CAMK1D: variants seen among roughly 807,000 people sequenced by gnomAD.
CAMK1D encodes the protein calcium/calmodulin-dependent protein kinase type 1D.
In CAMK1D, 9 loss-of-function variants were observed where a neutral mutation model predicts 47.7. The ratio of observed to expected loss-of-function variants is 0.19; its 90% confidence interval spans 0.11 to 0.33. The LOEUF is 0.33. Ranked by LOEUF, CAMK1D falls within the 10% of genes least tolerant of loss-of-function variation. CAMK1D has a pLI of 1.00. For missense variants in CAMK1D, 291 were observed against 488.7 expected (o/e 0.60, Z 3.81); for synonymous variants, 184 against 184.9 (o/e 0.99, Z 0.04).
At chr10:12,567,532 AC>A (rs1464501712) in intron 2 of CAMK1D, among the ~76,000 whole-genome samples, 3 of 152,202 alleles carry the variant, frequency 2.0e-5, no homozygotes, top group African/African-American at 7.2e-5. Flanking sequence ...TCATTTCTCT[AC>A]AGGTGTACGC....
intron 4 of CAMK1D, among the ~76,000 whole-genome samples, chr10:12,762,299 C>T (rs1836547761): frequency 6.6e-6 from 1 of 152,206 alleles, no homozygotes; most frequent in South Asian, 2.1e-4. Context: ...TGAAGCTGTG[C>T]TGTACACAAC....
At chr10:12,523,008 G>A (rs1316456450) in intron 1 of CAMK1D, among the ~76,000 whole-genome samples, 1 of 148,730 alleles carries the variant, frequency 6.7e-6, no homozygotes, top group African/African-American at 2.5e-5. Flanking sequence ...GCCGGGCGGA[G>A]ACGCTCCTCA....
chr10:12,381,973 A>G (rs1391128373), intron 1 of CAMK1D, among the ~76,000 whole-genome samples: 2 of 152,210 alleles, frequency 1.3e-5, no homozygotes, highest in Non-Finnish European at 2.9e-5. Context: ...TCTGACACTC[A>G]TTGTGTGGGT....
intron 6 of CAMK1D, among the ~76,000 whole-genome samples, chr10:12,813,070 T>C (rs1030029472): frequency 4.6e-5 from 7 of 152,212 alleles, no homozygotes; most frequent in East Asian, 3.8e-4. Flanking sequence ...CCACTCCCAT[T>C]GTGTGTGTCA....
At chr10:12,712,690 C>T (rs1000948618) in intron 3 of CAMK1D, among the ~76,000 whole-genome samples, 6 of 152,160 alleles carry the variant, frequency 3.9e-5, no homozygotes, top group Non-Finnish European at 8.8e-5. Context: ...GGCTCCATCT[C>T]CTAATACCAT....
chr10:12,638,906 C>T (rs894480917), intron 2 of CAMK1D, among the ~76,000 whole-genome samples: 3 of 152,190 alleles, frequency 2.0e-5, no homozygotes, highest in Non-Finnish European at 4.4e-5. Flanking sequence ...CTCATCCCCC[C>T]ACTTCTCTCC....
At chr10:12,524,092 C>T (rs914668625) in intron 1 of CAMK1D, among the ~76,000 whole-genome samples, 11 of 151,736 alleles carry the variant, frequency 7.2e-5, no homozygotes, top group African/African-American at 2.2e-4. Context: ...CAGGGTTTCA[C>T]GTTGTTAGCC....
intron 1 of CAMK1D, among the ~76,000 whole-genome samples, chr10:12,458,880 C>CTTTT (rs35804649): frequency 8.3e-6 from 1 of 120,680 alleles, no homozygotes; most frequent in African/African-American, 3.1e-5. Flanking sequence ...CCTTTCTTTC[C>CTTTT]TTTTTTTTTT....
intron 1 of CAMK1D, among the ~76,000 whole-genome samples, chr10:12,373,095 G>C (rs889257906): frequency 1.3e-5 from 2 of 152,166 alleles, no homozygotes; most frequent in Non-Finnish European, 2.9e-5. Context: ...TGTCCCAGCC[G>C]GGGCTTCAGT....
rs554602938 is a variant in CAMK1D, at chr10:12,643,113, T to C, written c.225-23623T>C. 3.3e-5 allele frequency among the ~76,000 whole-genome samples: 5 copies of C among 152,280 alleles called. No homozygotes were observed. The East Asian group carries it at 9.7e-4, about 29-fold the overall frequency. ...GCCTCCCGGGTTCAAGTGATTCTCC[T>C]GCCTTAGCAGCCTGAGTAGCTGGAA... On this transcript the variant is annotated intron_variant, in intron 2 of 10. Coordinates refer to ENST00000619168, the MANE Select transcript of CAMK1D (RefSeq NM_153498.4).
intron 3 of CAMK1D, among the ~76,000 whole-genome samples, chr10:12,729,699 G>A (rs893324527): frequency 3.3e-5 from 5 of 152,072 alleles, no homozygotes; most frequent in Non-Finnish European, 5.9e-5. Context: ...GAGGAGGGAC[G>A]GTTAAACTTC....
intron 1 of CAMK1D, among the ~76,000 whole-genome samples, chr10:12,474,693 C>T (rs1833851108): frequency 6.6e-6 from 1 of 151,470 alleles, no homozygotes; most frequent in Admixed American, 6.6e-5. Context: ...TTTTTATCAC[C>T]CAGGTACTAA....
At chr10:12,511,284 G>A (rs1052970214) in intron 1 of CAMK1D, among the ~76,000 whole-genome samples, 2 of 152,122 alleles carry the variant, frequency 1.3e-5, no homozygotes, top group Admixed American at 6.5e-5. Context: ...CAGCAAATTG[G>A]AATCTCCTGG....
chr10:12,669,000 G>A (rs1840522060), intron 3 of CAMK1D, among the ~76,000 whole-genome samples: 1 of 152,190 alleles, frequency 6.6e-6, no homozygotes, highest in African/African-American at 2.4e-5. Flanking sequence ...GGGAGTTCGA[G>A]GCTGGCAGAT....
chr10:12,529,200 C>T (rs1049261291), intron 1 of CAMK1D, among the ~76,000 whole-genome samples: 3 of 152,124 alleles, frequency 2.0e-5, no homozygotes, highest in African/African-American at 4.8e-5. Context: ...AAGCACCCCG[C>T]GGGGAACATC....
intron 3 of CAMK1D, among the ~76,000 whole-genome samples, chr10:12,696,450 T>C (rs1833300815): frequency 6.6e-6 from 1 of 152,142 alleles, no homozygotes; most frequent in South Asian, 2.1e-4. Context: ...GGTGGAAGAA[T>C]TGCTTGAACC....
At chr10:12,547,638 C>CA (rs970797809) in intron 1 of CAMK1D, among the ~76,000 whole-genome samples, 1 of 60,060 alleles carries the variant, frequency 1.7e-5, no homozygotes, top group African/African-American at 1.1e-4. Flanking sequence ...GTCACGAGGA[C>CA]ACCCCCCCCC....
At chr10:12,544,214 A>G (rs1271809197) in intron 1 of CAMK1D, among the ~76,000 whole-genome samples, 2 of 152,230 alleles carry the variant, frequency 1.3e-5, no homozygotes, top group Admixed American at 1.3e-4. Context: ...CTTTTCCAGT[A>G]ATTTATCACA....
chr10:12,438,907 C>T (rs151155336), intron 1 of CAMK1D, among the ~76,000 whole-genome samples: 14 of 152,316 alleles, frequency 9.2e-5, no homozygotes, highest in African/African-American at 2.2e-4. Context: ...TGGACAGCAC[C>T]GTGTTACTTT....
Sources: allele counts gnomAD v4.1 joint callset (sites outside exome capture counted in the v4.1 genomes callset), GRCh38; gene constraint gnomAD v4.1.1; transcripts MANE v1.5; gene names NCBI Gene and HGNC (gene_info 2026-07-23, HGNC 2026-07-21).